Variants in SATL1 observed in about 807,000 individuals in gnomAD.
The protein encoded by SATL1 is spermidine/spermine N(1)-acetyltransferase-like protein 1.
SATL1 carries 47 observed loss-of-function variants against 51.8 expected under a neutral mutation model. That is an observed-to-expected ratio of 0.91 (90% CI 0.72 to 1.16). SATL1 has a LOEUF of 1.16. Ranked by LOEUF, SATL1 falls within the 50% of genes most tolerant of loss-of-function variation. The probability of loss-of-function intolerance (pLI) is 0.00; values close to 1 mark genes in which losing one functional copy is unlikely to be tolerated. For synonymous variants in SATL1, 176 were observed against 182.4 expected (o/e 0.97, Z 0.28); for missense variants, 520 against 526.4 (o/e 0.99, Z 0.12).
chrX:85,220,645 A>T (rs1237855386), intron 2 of SATL1, among the ~76,000 whole-genome samples: 4 of 16,975 alleles, frequency 2.4e-4, no homozygotes, highest in Admixed American at 9.8e-4. Flanking sequence ...CTTCTGTGTT[A>T]AAAAAAAAAA....
chrX:85,144,001 G>C (rs1407229687), intron 2 of SATL1, among the ~76,000 whole-genome samples: 2 of 111,989 alleles, frequency 1.8e-5, no homozygotes, highest in Non-Finnish European at 3.8e-5. Flanking sequence ...AATCATACCT[G>C]TCTATGAAAC....
At chrX:85,210,150 G>T (rs60910484) in intron 2 of SATL1, 13,016 of 103,209 alleles carry the variant, frequency 0.13, 690 homozygotes, top group South Asian at 0.17. Flanking sequence ...CTAGCTGCTG[G>T]TTTTTTTTTT....
chrX:85,184,358 T>C (rs1346355627), intron 2 of SATL1, among the ~76,000 whole-genome samples: 1 of 111,575 alleles, frequency 9.0e-6, no homozygotes, highest in Admixed American at 9.5e-5. Context: ...ACTTGAATAT[T>C]GATATCTTTC....
intron 2 of SATL1, among the ~76,000 whole-genome samples, chrX:85,222,523 T>C (rs1011972348): frequency 1.8e-5 from 2 of 111,203 alleles, no homozygotes; most frequent in African/African-American, 6.5e-5. Context: ...ATTTGAAATA[T>C]ATATATTTTG....
chrX:85,152,209 T>C (rs1487633171), intron 2 of SATL1, among the ~76,000 whole-genome samples: 1 of 111,607 alleles, frequency 9.0e-6, no homozygotes, highest in Non-Finnish European at 1.9e-5. Flanking sequence ...AAAAGACACA[T>C]AAAAAAATGC....
chrX:85,231,344 A>G (rs1928378192), intron 1 of SATL1, among the ~76,000 whole-genome samples: 1 of 112,069 alleles, frequency 8.9e-6, no homozygotes, highest in South Asian at 3.7e-4. Flanking sequence ...TAAAGGCAGT[A>G]TCTAAAATAC....
intron 2 of SATL1, among the ~76,000 whole-genome samples, chrX:85,208,101 G>A (rs1397441167): frequency 9.1e-6 from 1 of 109,368 alleles, no homozygotes; most frequent in Non-Finnish European, 1.9e-5. Context: ...CCTGCCCTGT[G>A]TCCAAGTGAT....
intron 2 of SATL1, among the ~76,000 whole-genome samples, chrX:85,205,757 C>G (rs1349741402): frequency 1.8e-5 from 2 of 111,498 alleles, no homozygotes; most frequent in East Asian, 5.6e-4. Context: ...CATACAGGAG[C>G]ACTGCCTCTA....
intron 2 of SATL1, among the ~76,000 whole-genome samples, chrX:85,168,902 A>T (rs2147733417): frequency 8.9e-6 from 1 of 112,094 alleles, no homozygotes; most frequent in African/African-American, 3.2e-5. Flanking sequence ...CCGAAACAGC[A>T]TACTACTTGT....
chrX:85,152,266 G>T (rs1287695579), intron 2 of SATL1, among the ~76,000 whole-genome samples: 1 of 111,516 alleles, frequency 9.0e-6, no homozygotes, highest in Non-Finnish European at 1.9e-5. Context: ...ACCACAATGA[G>T]ATACCATCTC....
At chrX:85,163,178 TTTGTTG>T (rs199669352) in intron 2 of SATL1, among the ~76,000 whole-genome samples, 13,006 of 106,815 alleles carry the variant, frequency 0.12, 2,029 homozygotes, top group African/African-American at 0.41. Context: ...TCCTGGAGTT[TTTGTTG>T]TTGTTGTTGT....
chrX:85,181,923 CAT>C (rs1354908421), intron 2 of SATL1, among the ~76,000 whole-genome samples: 1 of 111,223 alleles, frequency 9.0e-6, no homozygotes, highest in East Asian at 2.8e-4. Flanking sequence ...ACATTTGAAA[CAT>C]ATACCTCTTA....
At chrX:85,106,359 G>T in intron 3 of SATL1, among the ~76,000 whole-genome samples, 1 of 111,632 alleles carries the variant, frequency 9.0e-6, no homozygotes, top group Admixed American at 9.6e-5. Flanking sequence ...CACTTCAACA[G>T]GTGGATTTCA....
At chrX:85,152,460 T>G (rs1169849907) in intron 2 of SATL1, among the ~76,000 whole-genome samples, 1 of 111,828 alleles carries the variant, frequency 8.9e-6, no homozygotes, top group Admixed American at 9.5e-5. Context: ...AGCCATCCCA[T>G]TACTGGGTGT....
Position 85,129,859 on chromosome X carries a change from TC to T in SATL1, c.-312-20580del, listed in dbSNP as rs1569232872. Among the ~76,000 whole-genome samples, 145 of 110,131 alleles carry T rather than the reference TC, an allele frequency of 1.3e-3. 3 individuals are homozygous for T. The highest frequency in any genetic ancestry group is 4.2e-4 in the Non-Finnish European group (22 of 52,587). On this transcript the variant is annotated intron_variant, in intron 2 of 7. Transcript: ENST00000644105. Reference sequence around the variant, plus strand: ...TTATTGAGAGTTTTTAGCATGAAGGTCTGTTGAATTTTGTCAAAGGCCTTTT... The same window carrying T: ...TTATTGAGAGTTTTTAGCATGAAGGTTGTTGAATTTTGTCAAAGGCCTTTT...
chrX:85,242,327 T>A (rs1429341002), intron 1 of SATL1, among the ~76,000 whole-genome samples: 2 of 112,264 alleles, frequency 1.8e-5, no homozygotes, highest in South Asian at 7.4e-4. Flanking sequence ...CATAAAAATA[T>A]CTTTCTTCTT....
chrX:85,188,092 T>C (rs1446228680), intron 2 of SATL1, among the ~76,000 whole-genome samples: 2 of 111,601 alleles, frequency 1.8e-5, no homozygotes, highest in Non-Finnish European at 3.8e-5. Context: ...TATTCTACCA[T>C]TCATTATCTC....
chrX:85,238,299 G>A (rs1928520101), intron 1 of SATL1, among the ~76,000 whole-genome samples: 1 of 111,449 alleles, frequency 9.0e-6, no homozygotes, highest in African/African-American at 3.3e-5. Context: ...GCCAAGATTT[G>A]GAAGCAACCT....
chrX:85,125,915 G>A (rs1469831051), intron 2 of SATL1, among the ~76,000 whole-genome samples: 1 of 110,266 alleles, frequency 9.1e-6, no homozygotes, highest in African/African-American at 3.3e-5. Context: ...CCTGGCCAGT[G>A]ATGGATGCCA....
Sources: allele counts gnomAD v4.1 joint callset (sites outside exome capture counted in the v4.1 genomes callset), GRCh38; gene constraint gnomAD v4.1.1; transcripts MANE v1.5; gene names NCBI Gene and HGNC (gene_info 2026-07-23, HGNC 2026-07-21).